Variants in LCORL observed in about 807,000 individuals in gnomAD.
The protein encoded by LCORL is ligand dependent nuclear receptor corepressor like, also known as ligand-dependent nuclear receptor corepressor-like protein.
A neutral mutation model predicts 141.8 loss-of-function variants in LCORL; 41 were observed. That is an observed-to-expected ratio of 0.29 (90% CI 0.23 to 0.38). The LOEUF is 0.38. LCORL is among the 10% of genes least tolerant of loss of function. The probability of loss-of-function intolerance (pLI) is 1.00; values close to 1 mark genes in which losing one functional copy is unlikely to be tolerated. For missense variants in LCORL, 1,759 were observed against 2,035.0 expected, an observed-to-expected ratio of 0.86 and a Z score of 2.61; for synonymous variants, 618 against 694.1, an observed-to-expected ratio of 0.89 and a Z score of 1.72.
chr4:17,894,975 G>A (rs944390684), intron 5 of LCORL, among the ~76,000 whole-genome samples: 8 of 150,874 alleles, frequency 5.3e-5, no homozygotes, highest in African/African-American at 1.9e-4. Flanking sequence ...CTGTTGTAAA[G>A]TTCTCAAAAT....
chr4:17,983,726 G>C (rs1718429107), intron 1 of LCORL, among the ~76,000 whole-genome samples: 2 of 152,122 alleles, frequency 1.3e-5, no homozygotes, highest in Non-Finnish European at 2.9e-5. Flanking sequence ...AGTATAGTTT[G>C]ACTTCCTCTT....
chr4:17,978,558 C>T (rs1013745050), intron 1 of LCORL, among the ~76,000 whole-genome samples: 10 of 148,842 alleles, frequency 6.7e-5, no homozygotes, highest in Admixed American at 6.7e-4. Flanking sequence ...GATCACATCA[C>T]CATAGAGCAA....
At chr4:18,010,709 C>A (rs1250356998) in intron 1 of LCORL, among the ~76,000 whole-genome samples, 2 of 152,112 alleles carry the variant, frequency 1.3e-5, no homozygotes, top group Admixed American at 6.5e-5. Context: ...GTCTCAGCTT[C>A]CCAAAGCGCT....
chr4:17,851,198 C>T (rs1032474540), intron 7 of LCORL, among the ~76,000 whole-genome samples: 3 of 151,130 alleles, frequency 2.0e-5, no homozygotes, highest in Admixed American at 6.6e-5. Context: ...TTAATGGGTG[C>T]AGCACACCAG....
At chr4:17,991,190 C>T (rs933318648) in intron 1 of LCORL, among the ~76,000 whole-genome samples, 1 of 152,058 alleles carries the variant, frequency 6.6e-6, no homozygotes, top group East Asian at 1.9e-4. Context: ...CTAGTTAATC[C>T]TCCACTCTAC....
chr4:18,019,364 G>T (rs904536638), intron 1 of LCORL, among the ~76,000 whole-genome samples: 4 of 152,132 alleles, frequency 2.6e-5, no homozygotes, highest in African/African-American at 9.7e-5. Context: ...CAAAGAATAT[G>T]AGACAGGTTT....
At chr4:17,927,034 T>C (rs773962669) in intron 4 of LCORL, among the ~76,000 whole-genome samples, 1 of 152,264 alleles carries the variant, frequency 6.6e-6, no homozygotes, top group South Asian at 2.1e-4. Flanking sequence ...GACTGTTTCA[T>C]GTATTAATAC....
At chr4:17,978,743 T>C (rs979376962) in intron 1 of LCORL, among the ~76,000 whole-genome samples, 1 of 152,122 alleles carries the variant, frequency 6.6e-6, no homozygotes, top group Admixed American at 6.6e-5. Context: ...TCAGGTTTTA[T>C]GGATGTCACC....
At chr4:17,898,282 A>G (rs1465890247) in intron 5 of LCORL, among the ~76,000 whole-genome samples, 2 of 152,172 alleles carry the variant, frequency 1.3e-5, no homozygotes, top group East Asian at 3.8e-4. Flanking sequence ...ATCACTTGAT[A>G]TAATTCTTTT....
At chr4:17,968,865 G>A (rs780519385) in intron 2 of LCORL, among the ~76,000 whole-genome samples, 2 of 152,150 alleles carry the variant, frequency 1.3e-5, no homozygotes, top group Admixed American at 6.5e-5. Flanking sequence ...CAGTCAACAA[G>A]CTGGATTTAG....
At chr4:17,905,358 A>C (rs913845289) in intron 5 of LCORL, among the ~76,000 whole-genome samples, 4 of 152,032 alleles carry the variant, frequency 2.6e-5, no homozygotes, top group African/African-American at 9.7e-5. Flanking sequence ...AATTAAGAAA[A>C]GTTTTCAAAT....
At chr4:18,008,020 G>A (rs1370724363) in intron 1 of LCORL, among the ~76,000 whole-genome samples, 1 of 152,158 alleles carries the variant, frequency 6.6e-6, no homozygotes, top group African/African-American at 2.4e-5. Context: ...AATTGGCACA[G>A]ATAAGTACAA....
chr4:17,961,129 T>C (rs1169490012), intron 4 of LCORL, among the ~76,000 whole-genome samples: 1 of 152,110 alleles, frequency 6.6e-6, no homozygotes. Flanking sequence ...TATGGTAATG[T>C]TTTCTTAATC....
intron 4 of LCORL, among the ~76,000 whole-genome samples, chr4:17,914,535 C>A (rs1733083976): frequency 6.6e-6 from 1 of 152,116 alleles, no homozygotes; most frequent in South Asian, 2.1e-4. Context: ...ACCAAAGGAC[C>A]TGGCAAAAGA....
At chr4:17,873,313 G>T in intron 7 of LCORL, 75 bp downstream of exon 7, 1 of 947,282 alleles carries the variant, frequency 1.1e-6, no homozygotes, top group Non-Finnish European at 1.4e-6. Flanking sequence ...TGCATCAGCT[G>T]TTCCTTTTCT....
At chr4:17,906,000 C>T (rs1275402382) in intron 5 of LCORL, among the ~76,000 whole-genome samples, 5 of 152,074 alleles carry the variant, frequency 3.3e-5, no homozygotes, top group African/African-American at 9.7e-5. Flanking sequence ...GTTAATGAAA[C>T]TCTTCTAAAG....
chr4:17,857,267 T>G (rs1193897410), intron 7 of LCORL, among the ~76,000 whole-genome samples: 7 of 143,052 alleles, frequency 4.9e-5, no homozygotes, highest in South Asian at 4.6e-4. Context: ...GACATGGGGG[T>G]GGGGGGAGAA....
intron 5 of LCORL, among the ~76,000 whole-genome samples, chr4:17,895,385 CAT>C (rs1045289406): frequency 1.2e-4 from 19 of 152,208 alleles, no homozygotes; most frequent in Admixed American, 1.2e-3. Context: ...TTAGATTCCA[CAT>C]GAGTGACAAA....
intron 1 of LCORL, among the ~76,000 whole-genome samples, chr4:17,993,029 AACAAGGAACGGC>A (rs1720292910): frequency 6.6e-6 from 1 of 152,168 alleles, no homozygotes; most frequent in African/African-American, 2.4e-5. Flanking sequence ...AGCTAGGCAA[AACAAGGAACGGC>A]ACATTACACG....
Sources: allele counts gnomAD v4.1 joint callset (sites outside exome capture counted in the v4.1 genomes callset), GRCh38; gene constraint gnomAD v4.1.1; transcripts MANE v1.5; gene names NCBI Gene and HGNC (gene_info 2026-07-23, HGNC 2026-07-21).